The following ZNF292 variants were observed in gnomAD, a reference collection of about 807,000 sequenced individuals.
ZNF292 encodes 16 zinc-finger domain protein.
A neutral mutation model predicts 217.9 loss-of-function variants in ZNF292; 26 were observed. The ratio of observed to expected loss-of-function variants is 0.12; its 90% CI spans 0.09 to 0.17. ZNF292 has a LOEUF of 0.17. Ranked by LOEUF, ZNF292 falls within the 10% of genes least tolerant of loss-of-function variation. ZNF292 has a pLI of 1.00. For synonymous variants in ZNF292, 1,257 were observed against 1,124.1 expected, an observed-to-expected ratio of 1.12 and a Z score of -2.37; for missense variants, 2,904 against 3,175.2, an observed-to-expected ratio of 0.91 and a Z score of 2.05.
At chr6:87,197,422 T>G (rs1309860762) in intron 1 of ZNF292, among the ~76,000 whole-genome samples, 3 of 22,240 alleles carry the variant, frequency 1.3e-4, no homozygotes, top group South Asian at 1.4e-3. Flanking sequence ...AACATTTGGG[T>G]TTTTTTTTTT....
chr6:87,243,725 C>T, intron 6 of ZNF292, 114 bp downstream of exon 6: 1 of 1,042,426 alleles, frequency 9.6e-7, no homozygotes, highest in Non-Finnish European at 1.3e-6. Context: ...AGACAAAAGG[C>T]TTATATTTAG....
intron 1 of ZNF292, among the ~76,000 whole-genome samples, chr6:87,211,195 G>A (rs775322360): frequency 3.3e-5 from 5 of 152,082 alleles, no homozygotes; most frequent in Non-Finnish European, 7.4e-5. Context: ...ACCTGTCTCA[G>A]GAGGCCAACT....
chr6:87,239,952 C>T (rs1582480579), intron 5 of ZNF292, among the ~76,000 whole-genome samples: 2 of 152,034 alleles, frequency 1.3e-5, no homozygotes, highest in Non-Finnish European at 2.9e-5. Flanking sequence ...GACGGGGTGG[C>T]GGCCGGGCAG....
chr6:87,242,990 A>G (rs1582487612), intron 5 of ZNF292, among the ~76,000 whole-genome samples: 1 of 152,140 alleles, frequency 6.6e-6, no homozygotes, highest in Non-Finnish European at 1.5e-5. Flanking sequence ...GCTTCATACT[A>G]TATTTTTCCC....
intron 1 of ZNF292, among the ~76,000 whole-genome samples, chr6:87,159,774 C>T (rs543635297): frequency 4.6e-5 from 7 of 152,086 alleles, no homozygotes; most frequent in South Asian, 4.1e-4. Context: ...CCACCACGCC[C>T]GGCCCTGTCT....
chr6:87,222,999 T>C (rs1300664766), intron 4 of ZNF292: 2 of 283,752 alleles, frequency 7.0e-6, no homozygotes, highest in African/African-American at 4.3e-5. Context: ...TAAAGTACCA[T>C]TGCCATCACA....
At chr6:87,160,625 TATAC>T (rs1020350014) in intron 1 of ZNF292, among the ~76,000 whole-genome samples, 6 of 151,598 alleles carry the variant, frequency 4.0e-5, no homozygotes, top group Non-Finnish European at 5.9e-5. Flanking sequence ...TGTGTGTGTG[TATAC>T]ATACATGTAT....
At chr6:87,225,025 G>C (rs767493048) in intron 4 of ZNF292, among the ~76,000 whole-genome samples, 1 of 152,118 alleles carries the variant, frequency 6.6e-6, no homozygotes, top group Non-Finnish European at 1.5e-5. Flanking sequence ...CCAACAATTG[G>C]TATTGTCCGT....
chr6:87,197,722 C>CAAAAAAAAAAA, intron 1 of ZNF292, among the ~76,000 whole-genome samples: 1 of 77,310 alleles, frequency 1.3e-5, no homozygotes, highest in Non-Finnish European at 2.4e-5. Flanking sequence ...CTCGCTGTTT[C>CAAAAAAAAAAA]AAAAAAAAAA....
intron 4 of ZNF292, among the ~76,000 whole-genome samples, 164 bp downstream of exon 4, chr6:87,218,895 G>A (rs1020084996): frequency 6.6e-6 from 1 of 152,028 alleles, no homozygotes; most frequent in African/African-American, 2.4e-5. Flanking sequence ...TTTATTTTGG[G>A]GAAGATGAAT....
At chr6:87,169,793 T>G (rs969582752) in intron 1 of ZNF292, 4 of 358,314 alleles carry the variant, frequency 1.1e-5, no homozygotes, top group African/African-American at 8.7e-5. Flanking sequence ...ACTACAGATG[T>G]GCGCTACCAT....
intron 1 of ZNF292, among the ~76,000 whole-genome samples, chr6:87,179,424 G>A (rs1401962387): frequency 1.3e-5 from 2 of 152,074 alleles, no homozygotes; most frequent in Admixed American, 1.3e-4. Context: ...GCCTCCCAAA[G>A]TGCTGGGATT....
In ZNF292 at chr6:87,259,383, A is replaced by G. The variant is rs1582527562; in HGVS notation, c.5754A>G (p.Ala1918=). ...GCNYSAMTKD[A]LFKHYGKIHQ... is the part of the protein sequence containing the mutation. ...ACTACAGTGCTATGACAAAGGATGCACTATTTAAGCACTATGGTAAAATTC... is the reference window on the plus strand; with the variant it reads ...ACTACAGTGCTATGACAAAGGATGCGCTATTTAAGCACTATGGTAAAATTC... The change falls in exon 8 of 8, where the codon GCA becomes GCG. Residue 1918 remains alanine, a synonymous_variant. Transcript: ENST00000369577. 2 of 1,611,624 alleles carry G rather than the reference A, an allele frequency of 1.2e-6. No individual in the cohort carries two copies. Among genetic ancestry groups the G allele is most frequent in the Non-Finnish European group, 1.7e-6 (2 of 1,178,676 alleles).
intron 4 of ZNF292, among the ~76,000 whole-genome samples, chr6:87,225,298 C>T (rs1434660949): frequency 6.6e-6 from 1 of 152,058 alleles, no homozygotes; most frequent in East Asian, 1.9e-4. Flanking sequence ...TCTTTTCTTT[C>T]CCTCTTGTGA....
chr6:87,165,448 A>G (rs888872785), intron 1 of ZNF292, among the ~76,000 whole-genome samples: 1 of 152,190 alleles, frequency 6.6e-6, no homozygotes, highest in Non-Finnish European at 1.5e-5. Flanking sequence ...GTAAGATATA[A>G]CTTTATTTTA....
rs1313876355 is a variant in ZNF292 at position 87,255,106 on chromosome 6, T to G, written c.1477T>G (p.Ser493Ala). Residue 493 changes from serine (S) to alanine (A), a missense_variant, in exon 8 of 8, where the codon TCT becomes GCT. Transcript: ENST00000369577. ...CTACCAAGAAGAGAGTAAAGAAACT[T>G]CTATGAATGGGCTTTCTGGTGGAGT... ...VDYQEESKETSMNGLSGGVGA... is the reference protein window; with the variant it reads ...VDYQEESKETAMNGLSGGVGA... The G allele has an allele frequency of 6.2e-7, 1 of 1,613,654 alleles. No individual in the cohort carries two copies. The highest frequency in any genetic ancestry group is 1.1e-5 in the South Asian group (1 of 91,070).
Position 87,233,338 on chromosome 6 carries a change from A to G in ZNF292, c.552A>G (p.Leu184=). The G allele has an allele frequency of 6.2e-7, 1 of 1,605,770 alleles. No homozygotes were observed. Residue 184 remains leucine, a synonymous_variant, in exon 5 of 8, where the codon TTA becomes TTG. Transcript: ENST00000369577. ...TGTTTTTTAAAGTGAATGAATTTTTAGCTTTTGAGGGTCCCATCTTGTTGG... is the reference window on the plus strand; with the variant it reads ...TGTTTTTTAAAGTGAATGAATTTTTGGCTTTTGAGGGTCCCATCTTGTTGG... The part of the protein sequence containing the change: ...PLDKDKVNEF[L]AFEGPILLDM...
intron 1 of ZNF292, among the ~76,000 whole-genome samples, chr6:87,180,976 G>A (rs1406316369): frequency 6.6e-6 from 1 of 152,168 alleles, no homozygotes; most frequent in Admixed American, 6.5e-5. Context: ...CCCCTAGGGC[G>A]AGCATGCAGA....
intron 1 of ZNF292, among the ~76,000 whole-genome samples, chr6:87,179,056 C>T (rs73751989): frequency 0.01 from 1,558 of 151,474 alleles, 28 homozygotes; most frequent in African/African-American, 0.034. Context: ...ATAGTGATAG[C>T]AATTTGTTGC....
Sources: gnomAD v4.1 joint callset for allele counts (sites outside exome capture counted in the v4.1 genomes callset) on GRCh38, gnomAD v4.1.1 for gene constraint, MANE v1.5 for transcripts, NCBI Gene and HGNC (gene_info 2026-07-23, HGNC 2026-07-21) for gene names.